Variants in CDH13 observed in about 807,000 individuals in gnomAD.
CDH13 encodes the protein cadherin-13.
CDH13 carries 24 observed loss-of-function variants against 63.8 expected under a neutral mutation model. The ratio of observed to expected loss-of-function variants is 0.38; its 90% CI spans 0.27 to 0.53. The LOEUF is 0.53. Among genes scored for constraint, CDH13 ranks in the 20% least tolerant of loss-of-function variants. CDH13 has a pLI of 0.85. For missense variants in CDH13, 1,049 were observed against 903.1 expected (o/e 1.16, Z -2.07); for synonymous variants, 503 against 355.3 (o/e 1.42, Z -4.67).
chr16:82,934,768 G>A (rs1364083389), intron 2 of CDH13, among the ~76,000 whole-genome samples: 1 of 152,196 alleles, frequency 6.6e-6, no homozygotes, highest in Non-Finnish European at 1.5e-5. Context: ...CTTTGCTAAA[G>A]CATAGCAAGA....
intron 1 of CDH13, among the ~76,000 whole-genome samples, chr16:82,697,215 A>G (rs2030405717): frequency 1.3e-5 from 2 of 152,106 alleles, no homozygotes; most frequent in South Asian, 4.1e-4. Flanking sequence ...TTTCAAAACC[A>G]CCACACTATG....
intron 1 of CDH13, among the ~76,000 whole-genome samples, chr16:82,857,232 A>G (rs1043373667): frequency 6.6e-6 from 1 of 152,224 alleles, no homozygotes; most frequent in Non-Finnish European, 1.5e-5. Context: ...TTCGTCTTCT[A>G]TAAAATATAC....
rs538944333 is a variant in CDH13 at position 83,032,038 on chromosome 16, C to G, written c.186C>G (p.Asp62Glu). 1.0e-5 allele frequency: 16 copies of G among 1,602,214 alleles called. No individual in the cohort carries two copies. Among genetic ancestry groups the G allele is most frequent in the African/African-American group, 5.4e-5 (4 of 74,750 alleles). ...CCTTCAGTGACTGTAAGGGAAACGA[C>G]AAGCTACGCTATGAGGTCTCGAGCC... ...NLTFSDCKGN[D>E]KLRYEVSSPY... Residue 62 changes from aspartate (D) to glutamate (E), a missense_variant, in exon 3 of 14, where the codon GAC becomes GAG. Asp to Glu is a conservative substitution (Grantham distance 45). Transcript: ENST00000567109.
chr16:83,471,728 C>G (rs112291538), intron 6 of CDH13, among the ~76,000 whole-genome samples: 1 of 152,180 alleles, frequency 6.6e-6, no homozygotes, highest in Non-Finnish European at 1.5e-5. Context: ...CTCTAAACCA[C>G]TACTACACCA....
intron 11 of CDH13, among the ~76,000 whole-genome samples, chr16:83,763,878 C>A (rs1914174320): frequency 6.6e-6 from 1 of 152,116 alleles, no homozygotes; most frequent in African/African-American, 2.4e-5. Context: ...ATTGGAGGGG[C>A]AGCACACTGG....
chr16:83,354,400 C>G (rs1006483307), intron 6 of CDH13, among the ~76,000 whole-genome samples: 1 of 152,106 alleles, frequency 6.6e-6, no homozygotes, highest in African/African-American at 2.4e-5. Flanking sequence ...AAGTATTTAT[C>G]GGGCAGTTTC....
intron 1 of CDH13, among the ~76,000 whole-genome samples, chr16:82,786,086 G>C (rs189067776): frequency 1.3e-5 from 2 of 152,316 alleles, no homozygotes. Context: ...ATCTGAATGA[G>C]TTAGGGTGAG....
In CDH13 at chr16:83,532,651, T is replaced by G. The variant is rs543762553; in HGVS notation, c.960+45996T>G. Among the ~76,000 whole-genome samples, 14 of 152,350 alleles carry G rather than the reference T, an allele frequency of 9.2e-5. No homozygotes were observed. The South Asian group carries it at 2.5e-3, about 27-fold the overall frequency. ...GCTCCACATTCGCCATGTCAGTTTC[T>G]TCCTCTGCAATCTCTGCAGTGGCTT... On this transcript the variant is annotated intron_variant, in intron 7 of 13. Coordinates refer to ENST00000567109, the MANE Select transcript of CDH13 (RefSeq NM_001257.5).
At chr16:82,768,649 G>T (rs967541488) in intron 1 of CDH13, among the ~76,000 whole-genome samples, 1 of 152,172 alleles carries the variant, frequency 6.6e-6, no homozygotes, top group Non-Finnish European at 1.5e-5. Flanking sequence ...GGGCAGGTTA[G>T]GAGAGCTGGG....
At chr16:82,757,294 A>C (rs978367141) in intron 1 of CDH13, among the ~76,000 whole-genome samples, 9 of 152,298 alleles carry the variant, frequency 5.9e-5, no homozygotes, top group South Asian at 4.1e-4. Context: ...AGTGACCACA[A>C]ATATCTTCAT....
At chr16:83,575,912 T>C (rs1905056314) in intron 7 of CDH13, among the ~76,000 whole-genome samples, 1 of 152,228 alleles carries the variant, frequency 6.6e-6, no homozygotes, top group Non-Finnish European at 1.5e-5. Flanking sequence ...TACTCTTTAT[T>C]GTATTTTTTT....
chr16:83,356,567 C>T (rs1218995312), intron 6 of CDH13, among the ~76,000 whole-genome samples: 1 of 152,164 alleles, frequency 6.6e-6, no homozygotes, highest in Admixed American at 6.5e-5. Flanking sequence ...TCTGAGAACG[C>T]AGTCTAGAGC....
At chr16:83,358,735 C>G (rs1265580809) in intron 6 of CDH13, among the ~76,000 whole-genome samples, 1 of 152,078 alleles carries the variant, frequency 6.6e-6, no homozygotes, top group African/African-American at 2.4e-5. Flanking sequence ...CTATGGTAAT[C>G]AGAAAATTGA....
intron 8 of CDH13, among the ~76,000 whole-genome samples, chr16:83,646,692 CAAAAA>C (rs199756336): frequency 1.3e-3 from 97 of 72,684 alleles, no homozygotes; most frequent in African/African-American, 3.9e-3. Flanking sequence ...GACTCCGTCT[CAAAAA>C]AAAAAAAAAA....
rs150867083 is a variant in CDH13 at position 83,495,703 on chromosome 16, T to G, written c.960+9048T>G. On this transcript the variant is annotated intron_variant, in intron 7 of 13. Coordinates refer to ENST00000567109, the MANE Select transcript of CDH13 (RefSeq NM_001257.5). The stretch of plus-strand genomic sequence containing the variant: ...TGTGATGTTATTGCCAGAGTCAGGC[T>G]GGAAAGTAAGCCACATTATGTAGGG... Among the ~76,000 whole-genome samples the G allele has an allele frequency of 4.9e-4, 75 of 152,350 alleles. No homozygotes were observed. The East Asian group carries it at 0.012, about 24-fold the overall frequency.
intron 1 of CDH13, among the ~76,000 whole-genome samples, chr16:82,660,859 G>A (rs1019343730): frequency 6.6e-6 from 1 of 151,956 alleles, no homozygotes. Context: ...AATATATGTG[G>A]ATGTTAACAA....
chr16:83,236,142 G>T (rs2040135519), intron 5 of CDH13, among the ~76,000 whole-genome samples: 1 of 152,010 alleles, frequency 6.6e-6, no homozygotes, highest in Non-Finnish European at 1.5e-5. Flanking sequence ...TTGTGGACCT[G>T]AAAAGGATTT....
intron 5 of CDH13, among the ~76,000 whole-genome samples, chr16:83,295,681 G>A (rs933891063): frequency 5.9e-5 from 9 of 152,132 alleles, no homozygotes; most frequent in African/African-American, 1.7e-4. Context: ...ATAAATGTTG[G>A]CAAGGATGTG....
Position 82,804,660 on chromosome 16 carries a change from C to A in CDH13, c.46-53702C>A, listed in dbSNP as rs143612536. On this transcript the variant is annotated intron_variant, in intron 1 of 13. Transcript: ENST00000567109. Reference sequence around the variant, plus strand: ...TAGGAGACACTGTATGTATGAAACACCACAGTCAATAATTGGTAGGAATCT... The same window carrying A: ...TAGGAGACACTGTATGTATGAAACAACACAGTCAATAATTGGTAGGAATCT... Among the ~76,000 whole-genome samples the A allele has an allele frequency of 1.5e-3, 229 of 152,194 alleles. 1 individual carries two copies. The highest frequency in any genetic ancestry group is 5.2e-3 in the African/African-American group (216 of 41,524).
Sources: gnomAD v4.1 joint callset for allele counts (sites outside exome capture counted in the v4.1 genomes callset) on GRCh38, gnomAD v4.1.1 for gene constraint, MANE v1.5 for transcripts, NCBI Gene and HGNC (gene_info 2026-07-23, HGNC 2026-07-21) for gene names.